Variants in SEMA5A observed in about 807,000 individuals in gnomAD.
The protein encoded by SEMA5A is semaphorin-5A.
SEMA5A carries 55 observed loss-of-function variants against 135.5 expected under a neutral mutation model. That is an observed-to-expected ratio of 0.41 (90% CI 0.33 to 0.51). SEMA5A has a LOEUF of 0.51. SEMA5A is among the 20% of genes least tolerant of loss of function. SEMA5A has a pLI of 0.37. For missense variants in SEMA5A, 1,290 were observed against 1,419.9 expected (o/e 0.91, Z 1.47); for synonymous variants, 580 against 546.5 (o/e 1.06, Z -0.85).
intron 5 of SEMA5A, among the ~76,000 whole-genome samples, chr5:9,254,305 G>A (rs1805986): frequency 0.012 from 1,885 of 152,302 alleles, 38 homozygotes; most frequent in African/African-American, 0.043. Flanking sequence ...GGTATATACT[G>A]TAAGAACACA....
chr5:9,087,042 C>A (rs926191574), intron 16 of SEMA5A, among the ~76,000 whole-genome samples: 8 of 152,122 alleles, frequency 5.3e-5, no homozygotes, highest in Non-Finnish European at 1.2e-4. Flanking sequence ...ATCTGTGTGA[C>A]AATCTGAAAG....
chr5:9,348,457 G>T (rs1488368903), intron 3 of SEMA5A, among the ~76,000 whole-genome samples: 1 of 152,138 alleles, frequency 6.6e-6, no homozygotes, highest in African/African-American at 2.4e-5. Context: ...AGGCTATGAA[G>T]TTGGTGCCCA....
At chr5:9,207,775 A>G (rs1026632551) in intron 8 of SEMA5A, among the ~76,000 whole-genome samples, 8 of 152,322 alleles carry the variant, frequency 5.3e-5, no homozygotes, top group African/African-American at 1.9e-4. Context: ...TTAAAATTAA[A>G]TTAAATTAAA....
intron 8 of SEMA5A, among the ~76,000 whole-genome samples, chr5:9,208,789 T>C (rs1746187160): frequency 6.6e-6 from 1 of 151,906 alleles, no homozygotes. Flanking sequence ...CCAAAGAGTT[T>C]TAAAGAAAAA....
At chr5:9,423,353 T>TATCTGTTTTATTCCTGAGCTC (rs2126636499) in intron 2 of SEMA5A, among the ~76,000 whole-genome samples, 1 of 152,370 alleles carries the variant, frequency 6.6e-6, no homozygotes, top group South Asian at 2.1e-4. Flanking sequence ...TATCCTTAGT[T>TATCTGTTTTATTCCTGAGCTC]ATCTGTTTTA....
At chr5:9,478,721 G>A (rs1489336788) in intron 1 of SEMA5A, among the ~76,000 whole-genome samples, 1 of 152,184 alleles carries the variant, frequency 6.6e-6, no homozygotes, top group Admixed American at 6.5e-5. Flanking sequence ...TAACTAAATT[G>A]CTTTTGATTT....
At chr5:9,269,155 T>C (rs1749838544) in intron 5 of SEMA5A, among the ~76,000 whole-genome samples, 1 of 152,040 alleles carries the variant, frequency 6.6e-6, no homozygotes, top group African/African-American at 2.4e-5. Context: ...CTCTAATTTG[T>C]CATCACGCTG....
chr5:9,225,389 T>TAAAA lies in SEMA5A; in HGVS notation c.433-506_433-503dup, dbSNP rs34806769. On this transcript the variant is annotated intron_variant, in intron 7 of 22. Transcript: ENST00000382496. ...TAACACGGTGAAACCCCATCTCTAC[T>TAAAA]AAAAAAAAAAAAAAAAAAAAAAAAA... Among the ~76,000 whole-genome samples the TAAAA allele has an allele frequency of 3.5e-4, 15 of 43,108 alleles. 1 individual carries two copies. Among genetic ancestry groups the TAAAA allele is most frequent in the East Asian group, 1.6e-3 (2 of 1,214 alleles). The allele number at this position is 43,108 out of a possible 152,430, so 28.3% of individuals were successfully genotyped here.
intron 3 of SEMA5A, among the ~76,000 whole-genome samples, chr5:9,377,303 C>T (rs1187037100): frequency 6.6e-6 from 1 of 151,942 alleles, no homozygotes; most frequent in African/African-American, 2.4e-5. Context: ...AGTAGCCTAA[C>T]CCATAAAATA....
rs531383733 is a variant in SEMA5A, at chr5:9,356,511, G to A, written c.125-18699C>T. On this transcript the variant is annotated intron_variant, in intron 3 of 22. Coordinates refer to ENST00000382496, the MANE Select transcript of SEMA5A (RefSeq NM_003966.3). ...GAAAAAAAAGAAAAGGCTGCACACA[G>A]TTAGAAGAAAGTGCAAGCGGAAAAG... is the stretch of plus-strand genomic sequence containing the variant. Among the ~76,000 whole-genome samples, 4 of 152,258 alleles carry A rather than the reference G, an allele frequency of 2.6e-5. No individual in the cohort carries two copies. The South Asian group carries it at 8.3e-4, about 32-fold the overall frequency.
chr5:9,512,416 G>C (rs1293534105), intron 1 of SEMA5A, among the ~76,000 whole-genome samples: 1 of 152,326 alleles, frequency 6.6e-6, no homozygotes, highest in East Asian at 1.9e-4. Context: ...AGAAGCCAGA[G>C]CTCAGTGCAT....
chr5:9,164,361 A>G (rs1373589173), intron 11 of SEMA5A, among the ~76,000 whole-genome samples: 1 of 148,408 alleles, frequency 6.7e-6, no homozygotes, highest in East Asian at 1.9e-4. Flanking sequence ...TGGCATCCAG[A>G]TAAACTGTTA....
intron 6 of SEMA5A, among the ~76,000 whole-genome samples, chr5:9,235,532 C>CAGAGGAAAGGAAAGAGTCAAAGTACCAG (rs1561055759): frequency 6.6e-6 from 1 of 152,034 alleles, no homozygotes; most frequent in Admixed American, 6.6e-5. Context: ...TTCAGTGGAA[C>CAGAGGAAAGGAAAGAGTCAAAGTACCAG]ATCTTTAAAC....
chr5:9,541,108 G>A (rs1293705367), intron 1 of SEMA5A, among the ~76,000 whole-genome samples: 3 of 152,146 alleles, frequency 2.0e-5, no homozygotes, highest in Non-Finnish European at 4.4e-5. Flanking sequence ...AAAGAGGCTC[G>A]ATTTTCTGTG....
intron 21 of SEMA5A, among the ~76,000 whole-genome samples, chr5:9,046,731 C>T (rs995590132): frequency 1.3e-5 from 2 of 152,184 alleles, no homozygotes; most frequent in Non-Finnish European, 2.9e-5. Flanking sequence ...CTTGGCTGCT[C>T]CAGACAATGT....
At chr5:9,444,606 T>C (rs1026038649) in intron 1 of SEMA5A, among the ~76,000 whole-genome samples, 2 of 152,234 alleles carry the variant, frequency 1.3e-5, no homozygotes, top group Non-Finnish European at 2.9e-5. Flanking sequence ...GGCATTTTGG[T>C]TGGTTCCACA....
intron 13 of SEMA5A, among the ~76,000 whole-genome samples, chr5:9,127,037 G>A (rs1741152324): frequency 6.6e-6 from 1 of 152,176 alleles, no homozygotes; most frequent in African/African-American, 2.4e-5. Context: ...TACGAGGACA[G>A]GGAGGTAAGT....
At chr5:9,124,788 A>G (rs1741015957) in intron 13 of SEMA5A, among the ~76,000 whole-genome samples, 2 of 152,154 alleles carry the variant, frequency 1.3e-5, no homozygotes, top group Non-Finnish European at 2.9e-5. Flanking sequence ...TGGAAACTTC[A>G]GCATCCTTGA....
At chr5:9,465,256 G>A (rs948791823) in intron 1 of SEMA5A, among the ~76,000 whole-genome samples, 12 of 152,190 alleles carry the variant, frequency 7.9e-5, no homozygotes, top group East Asian at 1.9e-4. Context: ...AAGAGTTTCC[G>A]TAATTTTCAA....
Sources: allele counts gnomAD v4.1 joint callset (sites outside exome capture counted in the v4.1 genomes callset), GRCh38; gene constraint gnomAD v4.1.1; transcripts MANE v1.5; gene names NCBI Gene and HGNC (gene_info 2026-07-23, HGNC 2026-07-21).